Variants in RANBP9 observed in about 807,000 individuals in gnomAD.
RANBP9 encodes the protein ran-binding protein 9.
A neutral mutation model predicts 84.3 loss-of-function variants in RANBP9; 15 were observed. The ratio of observed to expected loss-of-function variants is 0.18; its 90% CI spans 0.12 to 0.27. The LOEUF is 0.27. Ranked by LOEUF, RANBP9 falls within the 10% of genes least tolerant of loss-of-function variation. The probability of loss-of-function intolerance (pLI) is 1.00; values close to 1 mark genes in which losing one functional copy is unlikely to be tolerated. For missense variants in RANBP9, 809 were observed against 912.8 expected (o/e 0.89, Z 1.46); for synonymous variants, 392 against 349.6 (o/e 1.12, Z -1.35).
chr6:13,652,113 C>A (rs1284056861), intron 5 of RANBP9, among the ~76,000 whole-genome samples: 1 of 152,172 alleles, frequency 6.6e-6, no homozygotes, highest in Admixed American at 6.5e-5. Flanking sequence ...TGTGTCCTAC[C>A]GTTGGTATTC....
chr6:13,706,490 C>A (rs567874968), intron 1 of RANBP9, among the ~76,000 whole-genome samples: 2 of 151,050 alleles, frequency 1.3e-5, no homozygotes, highest in African/African-American at 4.9e-5. Flanking sequence ...GTCAAGAGAT[C>A]GAGACCATCC....
intron 5 of RANBP9, among the ~76,000 whole-genome samples, chr6:13,648,140 G>GTTTTTTTTTT (rs1491513627): frequency 8.1e-6 from 1 of 122,868 alleles, no homozygotes; most frequent in Non-Finnish European, 1.8e-5. Flanking sequence ...TTATATGACT[G>GTTTTTTTTTT]GTTTTTTTTT....
chr6:13,624,971 A>C (rs1255260363), intron 13 of RANBP9, among the ~76,000 whole-genome samples: 1 of 152,162 alleles, frequency 6.6e-6, no homozygotes, highest in African/African-American at 2.4e-5. Context: ...CCCATTGCAA[A>C]TTTAGCTCAA....
chr6:13,622,377 T>G lies in RANBP9; in HGVS notation c.2175A>C (p.Glu725Asp). 1 of 1,592,238 alleles carries G rather than the reference T, an allele frequency of 6.3e-7. No individual in the cohort carries two copies. Among genetic ancestry groups the G allele is most frequent in the Non-Finnish European group, 8.6e-7 (1 of 1,169,514 alleles). ...GIGSCAFATV[E>D]DYLH The stretch of plus-strand genomic sequence containing the variant: ...AAATGCATAGCTAATGTAGGTAGTC[T>G]TCCACTGTGGCAAATGCGCAGGATC... The change falls in exon 14 of 14, where the codon GAA becomes GAC. Residue 725 changes from glutamate to aspartate, a missense_variant. This residue lies in a region of RANBP9 where 233 missense variants were observed against 234.4 expected (regional missense o/e 0.99). Coordinates refer to ENST00000011619, the MANE Select transcript of RANBP9 (RefSeq NM_005493.3).
intron 2 of RANBP9, among the ~76,000 whole-genome samples, chr6:13,671,861 C>T (rs1765786386): frequency 6.6e-6 from 1 of 151,964 alleles, no homozygotes; most frequent in Non-Finnish European, 1.5e-5. Flanking sequence ...ATCATCACTC[C>T]CATCCTCACA....
intron 2 of RANBP9, among the ~76,000 whole-genome samples, chr6:13,680,239 C>T (rs1351083107): frequency 1.3e-5 from 2 of 151,974 alleles, no homozygotes; most frequent in African/African-American, 4.8e-5. Flanking sequence ...TGGAACAGAA[C>T]AAATACTGAA....
intron 8 of RANBP9, among the ~76,000 whole-genome samples, chr6:13,640,032 A>AT (rs978666932): frequency 1.3e-5 from 2 of 152,172 alleles, no homozygotes; most frequent in Non-Finnish European, 2.9e-5. Flanking sequence ...TATGAACCCC[A>AT]TTTTTTTGGC....
chr6:13,652,333 TAA>T (rs1172587024), intron 5 of RANBP9, among the ~76,000 whole-genome samples: 1 of 152,214 alleles, frequency 6.6e-6, no homozygotes, highest in African/African-American at 2.4e-5. Context: ...CTTGGATGAA[TAA>T]ACGATTATAA....
At position 13,696,855 on chromosome 6, in the gene RANBP9, T is replaced by A. The variant is rs773224483; in HGVS notation, c.613A>T (p.Thr205Ser). Residue 205 changes from threonine (T) to serine (S), a missense_variant, in exon 2 of 14, where the codon ACG becomes TCG. Physicochemically the swap from Thr to Ser is moderately conservative, Grantham distance 58. Coordinates refer to ENST00000011619, the MANE Select transcript of RANBP9 (RefSeq NM_005493.3). ...CCACAGGCTGCTGGTATTGGATGCGTGGCTCGAACTGACGCGGCATCTTTT... is the reference window on the plus strand; with the variant it reads ...CCACAGGCTGCTGGTATTGGATGCGAGGCTCGAACTGACGCGGCATCTTTT... Reference protein sequence around the residue: ...TPKDAASVRATHPIPAACGIY... With the variant: ...TPKDAASVRASHPIPAACGIY... 1.3e-5 allele frequency: 21 copies of A among 1,613,606 alleles called. No homozygotes were observed. In the East Asian group the frequency reaches 4.7e-4, roughly 36 times the overall value.
At position 13,705,625 on chromosome 6, in the gene RANBP9, G is replaced by C. The variant is rs552062296; in HGVS notation, c.571+5310C>G. On this transcript the variant is annotated intron_variant, in intron 1 of 13. Coordinates refer to ENST00000011619, the MANE Select transcript of RANBP9 (RefSeq NM_005493.3). Reference sequence around the variant, plus strand: ...GCCTGTAATCCCAGCACTTTGGGAGGACGAGGCGCGCAGATCACAAGGTCA... The same window carrying C: ...GCCTGTAATCCCAGCACTTTGGGAGCACGAGGCGCGCAGATCACAAGGTCA... Among the ~76,000 whole-genome samples the C allele has an allele frequency of 3.9e-5, 6 of 151,952 alleles. No homozygotes were observed. In the South Asian group the frequency reaches 1.2e-3, roughly 32 times the overall value.
At chr6:13,653,303 C>T (rs1409665812) in intron 4 of RANBP9, among the ~76,000 whole-genome samples, 1 of 152,104 alleles carries the variant, frequency 6.6e-6, no homozygotes, top group Non-Finnish European at 1.5e-5. Context: ...GTAATTACAA[C>T]AGTCATGTTC....
intron 2 of RANBP9, among the ~76,000 whole-genome samples, chr6:13,693,429 A>C (rs968969257): frequency 6.6e-5 from 10 of 152,150 alleles, no homozygotes; most frequent in African/African-American, 2.4e-4. Context: ...ATCAACAGGA[A>C]CTCTCATACA....
At chr6:13,686,835 C>T (rs1584943051) in intron 2 of RANBP9, among the ~76,000 whole-genome samples, 1 of 152,146 alleles carries the variant, frequency 6.6e-6, no homozygotes, top group East Asian at 1.9e-4. Flanking sequence ...ACACACTGCA[C>T]CTGCTATCAC....
At chr6:13,642,618 T>C in intron 6 of RANBP9, 27 bp from the exon 7 acceptor site, 1 of 1,447,878 alleles carries the variant, frequency 6.9e-7, no homozygotes, top group South Asian at 1.2e-5. Flanking sequence ...GAAACATACA[T>C]CTTTTAGTGA....
intron 13 of RANBP9, among the ~76,000 whole-genome samples, chr6:13,624,284 C>T (rs1764537672): frequency 6.6e-6 from 1 of 152,168 alleles, no homozygotes; most frequent in African/African-American, 2.4e-5. Context: ...TCATTGCTTC[C>T]TTTACATTCT....
intron 1 of RANBP9, among the ~76,000 whole-genome samples, chr6:13,710,479 TCTTA>T (rs1758247248): frequency 6.6e-6 from 1 of 152,128 alleles, no homozygotes; most frequent in African/African-American, 2.4e-5. Context: ...CCCTGCTCTC[TCTTA>T]ATTAGAAATC....
At chr6:13,706,334 A>T (rs1051464015) in intron 1 of RANBP9, among the ~76,000 whole-genome samples, 1 of 151,846 alleles carries the variant, frequency 6.6e-6, no homozygotes, top group African/African-American at 2.4e-5. Flanking sequence ...ACAGAGCAAG[A>T]CTCGGTCTCA....
At chr6:13,623,333 T>C (rs1764509643) in intron 13 of RANBP9, among the ~76,000 whole-genome samples, 1 of 152,178 alleles carries the variant, frequency 6.6e-6, no homozygotes, top group Non-Finnish European at 1.5e-5. Context: ...CAAAAACAGT[T>C]GACACATGGC....
At chr6:13,666,255 T>C (rs1451340876) in intron 2 of RANBP9, among the ~76,000 whole-genome samples, 2 of 151,904 alleles carry the variant, frequency 1.3e-5, no homozygotes, top group Non-Finnish European at 2.9e-5. Flanking sequence ...GATCAACTGA[T>C]GAAAAGAGGA....
Sources: gnomAD v4.1 joint callset for allele counts (sites outside exome capture counted in the v4.1 genomes callset) on GRCh38, gnomAD v4.1.1 for gene constraint, gnomAD v4.1.1 regional missense constraint, MANE v1.5 for transcripts, NCBI Gene and HGNC (gene_info 2026-07-23, HGNC 2026-07-21) for gene names.